Variants in SLC25A12 observed in about 807,000 individuals in gnomAD.
SLC25A12 encodes electrogenic aspartate/glutamate antiporter SLC25A12, mitochondrial.
Under a neutral mutation model 83.3 loss-of-function variants are expected in SLC25A12, and 32 were observed. The observed-to-expected ratio is 0.38, with a 90% CI of 0.29 to 0.52. The LOEUF is 0.52. SLC25A12 is among the 20% of genes least tolerant of loss of function. The pLI, the probability that SLC25A12 is intolerant of heterozygous loss-of-function variation, is 0.84. For missense variants in SLC25A12, 611 were observed against 835.6 expected, an observed-to-expected ratio of 0.73 and a Z score of 3.31; for synonymous variants, 267 against 291.1, an observed-to-expected ratio of 0.92 and a Z score of 0.84.
chr2:171,794,879 A>G (rs1683569128), intron 13 of SLC25A12, among the ~76,000 whole-genome samples: 1 of 152,138 alleles, frequency 6.6e-6, no homozygotes, highest in South Asian at 2.1e-4. Flanking sequence ...GGTATAGAAC[A>G]CCTAAAAATT....
At chr2:171,872,715 A>G (rs1685479895) in intron 2 of SLC25A12, among the ~76,000 whole-genome samples, 1 of 152,240 alleles carries the variant, frequency 6.6e-6, no homozygotes, top group South Asian at 2.1e-4. Flanking sequence ...TGGAGGGAGA[A>G]AGGCAACACT....
intron 6 of SLC25A12, among the ~76,000 whole-genome samples, chr2:171,835,946 C>T (rs1684546816): frequency 6.6e-6 from 1 of 152,068 alleles, no homozygotes; most frequent in Admixed American, 6.6e-5. Context: ...AATTGAGCCT[C>T]AAAAAATTGA....
At chr2:171,837,716 G>A (rs573071740) in intron 5 of SLC25A12, among the ~76,000 whole-genome samples, 1 of 152,010 alleles carries the variant, frequency 6.6e-6, no homozygotes, top group African/African-American at 2.4e-5. Context: ...TGCAATCAAA[G>A]TCTCTCTCTC....
At chr2:171,859,987 T>C (rs182883650) in intron 3 of SLC25A12, among the ~76,000 whole-genome samples, 2 of 152,192 alleles carry the variant, frequency 1.3e-5, no homozygotes, top group Admixed American at 1.3e-4. Context: ...ATGGCTGATT[T>C]TGAACTCCTA....
intron 5 of SLC25A12, among the ~76,000 whole-genome samples, chr2:171,840,542 C>T (rs1684650515): frequency 1.3e-5 from 2 of 151,826 alleles, no homozygotes; most frequent in Non-Finnish European, 2.9e-5. Flanking sequence ...GAAAAGAGTG[C>T]ATCCATGAAA....
chr2:171,838,183 T>C (rs1684597869), intron 5 of SLC25A12, among the ~76,000 whole-genome samples: 1 of 152,264 alleles, frequency 6.6e-6, no homozygotes, highest in Non-Finnish European at 1.5e-5. Flanking sequence ...ATTTAAAGAT[T>C]ACATAATTTT....
chr2:171,809,263 C>G (rs1187684838), intron 13 of SLC25A12, among the ~76,000 whole-genome samples: 5 of 152,080 alleles, frequency 3.3e-5, no homozygotes, highest in African/African-American at 1.2e-4. Flanking sequence ...AGTTCTAGAT[C>G]CTTGAGGAAT....
intron 2 of SLC25A12, among the ~76,000 whole-genome samples, chr2:171,880,877 A>G (rs1685679378): frequency 6.6e-6 from 1 of 152,224 alleles, no homozygotes; most frequent in Admixed American, 6.5e-5. Flanking sequence ...TATTAAGTAA[A>G]AAAGGCGAAT....
intron 2 of SLC25A12, among the ~76,000 whole-genome samples, chr2:171,884,941 C>T (rs577100615): frequency 4.6e-5 from 7 of 151,362 alleles, no homozygotes; most frequent in African/African-American, 7.3e-5. Flanking sequence ...CGGCCAGGTG[C>T]GGTGGCTCAC....
Position 171,785,376 on chromosome 2 carries a change from C to A in SLC25A12, c.1935G>T (p.Thr645=). 1 of 1,614,212 alleles carries A rather than the reference C, an allele frequency of 6.2e-7. No homozygotes were observed. Among genetic ancestry groups the A allele is most frequent in the South Asian group, 1.1e-5 (1 of 91,088 alleles). ...CAAATTTGTTTTCGATGCCTGCAAACGTGGCTGTGGCGAGTCTGTATCCAC... is the reference window on the plus strand; with the variant it reads ...CAAATTTGTTTTCGATGCCTGCAAAAGTGGCTGTGGCGAGTCTGTATCCAC... ...HIGGYRLATA[T]FAGIENKFGL... The change falls in exon 18 of 18, where the codon ACG becomes ACT. Residue 645 remains threonine (T), a synonymous_variant. Coordinates refer to ENST00000422440, the MANE Select transcript of SLC25A12 (RefSeq NM_003705.5).
intron 8 of SLC25A12, among the ~76,000 whole-genome samples, chr2:171,829,772 T>C (rs900251138): frequency 1.3e-5 from 2 of 152,194 alleles, no homozygotes; most frequent in South Asian, 2.1e-4. Flanking sequence ...CAGCAACTTG[T>C]TGCACCCTGT....
At chr2:171,855,801 A>T in intron 4 of SLC25A12, 33 bp downstream of exon 4, 1 of 1,209,140 alleles carries the variant, frequency 8.3e-7, no homozygotes, top group Non-Finnish European at 1.2e-6. Flanking sequence ...CAGCATCATT[A>T]ACTTATCACT....
chr2:171,844,874 T>C (rs1185818305), intron 4 of SLC25A12, among the ~76,000 whole-genome samples: 2 of 152,178 alleles, frequency 1.3e-5, no homozygotes, highest in Admixed American at 1.3e-4. Flanking sequence ...TTAAACCCTT[T>C]ATCAGAAGCA....
chr2:171,834,188 T>C (rs1684507245), intron 7 of SLC25A12, 132 bp from the exon 8 acceptor site: 3 of 629,548 alleles, frequency 4.8e-6, no homozygotes, highest in Admixed American at 2.8e-5. Context: ...TAAAATTGAA[T>C]TTAAATATTT....
At chr2:171,883,733 G>A (rs1685746790) in intron 2 of SLC25A12, among the ~76,000 whole-genome samples, 1 of 151,998 alleles carries the variant, frequency 6.6e-6, no homozygotes, top group South Asian at 2.1e-4. Flanking sequence ...TCTTAATATT[G>A]CCTCCTAAGG....
At chr2:171,789,386 G>A (rs908772492) in intron 15 of SLC25A12, among the ~76,000 whole-genome samples, 2 of 151,612 alleles carry the variant, frequency 1.3e-5, no homozygotes, top group Non-Finnish European at 1.5e-5. Flanking sequence ...CCGCCACCAC[G>A]CCCGGCTAAT....
chr2:171,846,557 T>C (rs1436608003), intron 4 of SLC25A12, among the ~76,000 whole-genome samples: 1 of 152,036 alleles, frequency 6.6e-6, no homozygotes, highest in African/African-American at 2.4e-5. Context: ...CCTGTAATCC[T>C]AGCACTTTGG....
At chr2:171,827,438 G>A (rs956086954) in intron 8 of SLC25A12, among the ~76,000 whole-genome samples, 10 of 151,978 alleles carry the variant, frequency 6.6e-5, no homozygotes, top group African/African-American at 1.2e-4. Flanking sequence ...CTTCATTTGC[G>A]TAGGATGTAA....
At chr2:171,834,200 A>G (rs775532561) in intron 7 of SLC25A12, 144 bp from the exon 8 acceptor site, 17 of 618,576 alleles carry the variant, frequency 2.7e-5, no homozygotes, top group Non-Finnish European at 4.4e-5. Flanking sequence ...TAAATATTTA[A>G]GTTCAACTAT....
Sources: gnomAD v4.1 joint callset for allele counts (sites outside exome capture counted in the v4.1 genomes callset) on GRCh38, gnomAD v4.1.1 for gene constraint, MANE v1.5 for transcripts, NCBI Gene and HGNC (gene_info 2026-07-23, HGNC 2026-07-21) for gene names.